Variants in PTPRD observed in about 807,000 individuals in gnomAD.
PTPRD encodes protein tyrosine phosphatase receptor type D.
A neutral mutation model predicts 214.5 loss-of-function variants in PTPRD; 34 were observed. The ratio of observed to expected loss-of-function variants is 0.16; its 90% CI spans 0.12 to 0.21. PTPRD has a LOEUF of 0.21. Ranked by LOEUF, PTPRD falls within the 10% of genes least tolerant of loss-of-function variation. The probability of loss-of-function intolerance (pLI) is 1.00; values close to 1 mark genes in which losing one functional copy is unlikely to be tolerated. For missense variants in PTPRD, 2,545 were observed against 2,398.7 expected (o/e 1.06, Z -1.27); for synonymous variants, 1,128 against 845.7 (o/e 1.33, Z -5.79).
rs3075574 is a variant in PTPRD, at chr9:10,182,259, C to CAAAAAAAAAAAAAAAAAAAAA, written c.-544-148470_-544-148469insTTTTTTTTTTTTTTTTTTTTT. ...TGGGCAGCACAGTGAGACTCTGCCTCAAAAAAAAAAAAAAAAAAAAGAAAA... is the reference window on the plus strand; with the variant it reads ...TGGGCAGCACAGTGAGACTCTGCCTCAAAAAAAAAAAAAAAAAAAAAAAAAAAAAAAAAAAAAAAAAGAAAA... On this transcript the variant is annotated intron_variant, in intron 3 of 45. Transcript: ENST00000381196. Among the ~76,000 whole-genome samples the CAAAAAAAAAAAAAAAAAAAAA allele has an allele frequency of 1.5e-3, 81 of 54,416 alleles. 3 individuals carry two copies. Among genetic ancestry groups the CAAAAAAAAAAAAAAAAAAAAA allele is most frequent in the African/African-American group, 3.6e-3 (45 of 12,502 alleles). The allele number at this position is 54,416 out of a possible 152,430, so 35.7% of individuals were successfully genotyped here. A position where few individuals can be genotyped will look rare whatever the true frequency, so the allele number is the denominator to read the frequency against.
intron 11 of PTPRD, among the ~76,000 whole-genome samples, chr9:8,850,968 G>C (rs1377494739): frequency 6.6e-6 from 1 of 152,082 alleles, no homozygotes; most frequent in Non-Finnish European, 1.5e-5. Flanking sequence ...CACTGGATCA[G>C]CATTTGATGT....
In PTPRD at chr9:10,404,564, A is replaced by AACAATTAAC. The variant is rs1565821281; in HGVS notation, c.-599-63548_-599-63547insGTTAATTGT. 4.3e-4 allele frequency among the ~76,000 whole-genome samples: 22 copies of AACAATTAAC among 51,652 alleles called. 5 individuals are homozygous for AACAATTAAC. Among genetic ancestry groups the AACAATTAAC allele is most frequent in the Middle Eastern group, 0.023 (2 of 86 alleles). The allele number at this position is 51,652 out of a possible 152,430, so 33.9% of individuals were successfully genotyped here. A position where few individuals can be genotyped will look rare whatever the true frequency, so the allele number is the denominator to read the frequency against. ...TACAGCTCTATTTTAAACTTAAGCC[A>AACAATTAAC]TGTTGGTGACACGTCCAAAATCAAC... On this transcript the variant is annotated intron_variant, in intron 2 of 45. Coordinates refer to ENST00000381196, the MANE Select transcript of PTPRD (RefSeq NM_002839.4).
chr9:9,030,242 T>C lies in PTPRD; in HGVS notation c.-142-11507A>G, dbSNP rs576125723. Among the ~76,000 whole-genome samples, 4 of 151,014 alleles carry C rather than the reference T, an allele frequency of 2.6e-5. No individual in the cohort carries two copies. In the South Asian group the frequency reaches 8.4e-4, roughly 32 times the overall value. ...AACAGCAGATGTTCCATGATTTGTC[T>C]TAGTGCCTTTGGATCACATGGGCCA... On this transcript the variant is annotated intron_variant, in intron 10 of 45. Transcript: ENST00000381196.
At chr9:10,063,499 G>C (rs1002994749) in intron 3 of PTPRD, among the ~76,000 whole-genome samples, 3 of 152,018 alleles carry the variant, frequency 2.0e-5, no homozygotes, top group East Asian at 3.9e-4. Context: ...TAAATACCTA[G>C]TTGGTAAACC....
At chr9:9,191,173 T>C (rs1366697779) in intron 9 of PTPRD, among the ~76,000 whole-genome samples, 1 of 152,128 alleles carries the variant, frequency 6.6e-6, no homozygotes, top group African/African-American at 2.4e-5. Context: ...GAGCCTTTGG[T>C]CTGGAAAAAG....
intron 36 of PTPRD, among the ~76,000 whole-genome samples, chr9:8,403,356 T>C (rs2092640118): frequency 6.6e-6 from 1 of 152,208 alleles, no homozygotes; most frequent in Non-Finnish European, 1.5e-5. Context: ...ATGTAAACAG[T>C]GAACCTTCAA....
At chr9:10,585,689 A>T (rs1371881965) in intron 2 of PTPRD, among the ~76,000 whole-genome samples, 1 of 144,758 alleles carries the variant, frequency 6.9e-6, no homozygotes, top group Non-Finnish European at 1.5e-5. Flanking sequence ...TCAAAGGAGC[A>T]TTAGAGAAAT....
intron 12 of PTPRD, among the ~76,000 whole-genome samples, chr9:8,719,380 T>A (rs2098468361): frequency 6.6e-6 from 1 of 152,234 alleles, no homozygotes; most frequent in Non-Finnish European, 1.5e-5. Context: ...TTCTTCTAAT[T>A]AATCTGCTCC....
intron 11 of PTPRD, among the ~76,000 whole-genome samples, chr9:8,883,868 C>T (rs530707603): frequency 6.6e-6 from 1 of 152,114 alleles, no homozygotes; most frequent in East Asian, 1.9e-4. Flanking sequence ...AAAGGCAGAG[C>T]AAAATATCTG....
chr9:9,918,367 A>C (rs992629916), intron 5 of PTPRD, among the ~76,000 whole-genome samples: 39 of 149,688 alleles, frequency 2.6e-4, no homozygotes, highest in African/African-American at 9.5e-4. Context: ...AAAAAAAAAA[A>C]AAACTCCACA....
intron 7 of PTPRD, among the ~76,000 whole-genome samples, chr9:9,579,727 G>A (rs891455527): frequency 6.6e-6 from 1 of 152,036 alleles, no homozygotes; most frequent in East Asian, 1.9e-4. Flanking sequence ...TAAATTTGAG[G>A]GGTATAAGTA....
At chr9:10,489,185 C>T (rs2099152056) in intron 2 of PTPRD, among the ~76,000 whole-genome samples, 1 of 152,098 alleles carries the variant, frequency 6.6e-6, no homozygotes, top group Admixed American at 6.5e-5. Flanking sequence ...TATATCCTGC[C>T]AGGACTGGGT....
At chr9:8,491,799 G>A (rs762549907) in intron 27 of PTPRD, among the ~76,000 whole-genome samples, 15 of 152,270 alleles carry the variant, frequency 9.9e-5, no homozygotes, top group East Asian at 9.7e-4. Context: ...CTGGCAGTGA[G>A]CATGGCACGC....
intron 6 of PTPRD, among the ~76,000 whole-genome samples, chr9:9,742,105 G>A (rs190864629): frequency 2.7e-4 from 41 of 152,244 alleles, no homozygotes; most frequent in African/African-American, 9.6e-4. Flanking sequence ...TCTAACTAGT[G>A]TGAAATGGTA....
intron 8 of PTPRD, among the ~76,000 whole-genome samples, chr9:9,501,784 T>C (rs1477289335): frequency 2.6e-5 from 4 of 151,790 alleles, no homozygotes; most frequent in Admixed American, 2.6e-4. Context: ...TATTTAGAAA[T>C]GAAATGGCAA....
At chr9:9,408,926 G>C (rs1370071004) in intron 8 of PTPRD, among the ~76,000 whole-genome samples, 2 of 151,750 alleles carry the variant, frequency 1.3e-5, no homozygotes, top group African/African-American at 2.4e-5. Context: ...GTGTGTTAGA[G>C]ACTTTTTATA....
At chr9:8,852,457 A>G (rs773039696) in intron 11 of PTPRD, among the ~76,000 whole-genome samples, 11 of 152,238 alleles carry the variant, frequency 7.2e-5, no homozygotes, top group Non-Finnish European at 1.6e-4. Flanking sequence ...GCCTTGACTC[A>G]GATGGCTGCT....
intron 11 of PTPRD, among the ~76,000 whole-genome samples, chr9:8,938,778 G>A (rs1430061125): frequency 6.6e-6 from 1 of 152,088 alleles, no homozygotes; most frequent in South Asian, 2.1e-4. Flanking sequence ...TGTCTTTGTG[G>A]ACACATTTTC....
chr9:10,298,414 A>G (rs563841421), intron 3 of PTPRD, among the ~76,000 whole-genome samples: 16 of 152,258 alleles, frequency 1.1e-4, no homozygotes, highest in Non-Finnish European at 1.9e-4. Flanking sequence ...CAAGCCATGC[A>G]TTCAATTTCC....
Sources: gnomAD v4.1 joint callset for allele counts (sites outside exome capture counted in the v4.1 genomes callset) on GRCh38, gnomAD v4.1.1 for gene constraint, MANE v1.5 for transcripts, NCBI Gene and HGNC (gene_info 2026-07-23, HGNC 2026-07-21) for gene names.